ABLIM1: variants seen among roughly 807,000 people sequenced by gnomAD.
ABLIM1 encodes actin-binding LIM protein 1.
A neutral mutation model predicts 107.0 loss-of-function variants in ABLIM1; 40 were observed. The ratio of observed to expected loss-of-function variants is 0.37; its 90% CI spans 0.29 to 0.49. The LOEUF is 0.49. Among genes scored for constraint, ABLIM1 ranks in the 20% least tolerant of loss-of-function variants. The pLI, the probability that ABLIM1 is intolerant of heterozygous loss-of-function variation, is 0.97. For missense variants in ABLIM1, 857 were observed against 1,008.5 expected, an observed-to-expected ratio of 0.85 and a Z score of 2.04; for synonymous variants, 357 against 357.3, an observed-to-expected ratio of 1.00 and a Z score of 0.01.
At chr10:114,549,534 T>G (rs558585250) in intron 4 of ABLIM1, among the ~76,000 whole-genome samples, 1 of 152,306 alleles carries the variant, frequency 6.6e-6, no homozygotes, top group Admixed American at 6.5e-5. Flanking sequence ...TTTCTTTTTT[T>G]TTAATGACAG....
At chr10:114,525,835 CT>C (rs1240614726) in intron 6 of ABLIM1, among the ~76,000 whole-genome samples, 2 of 152,122 alleles carry the variant, frequency 1.3e-5, no homozygotes, top group African/African-American at 2.4e-5. Flanking sequence ...CTCACGTTTT[CT>C]TTTTTTCTTT....
intron 2 of ABLIM1, among the ~76,000 whole-genome samples, chr10:114,587,986 T>C (rs2074380429): frequency 6.6e-6 from 1 of 152,188 alleles, no homozygotes; most frequent in Non-Finnish European, 1.5e-5. Flanking sequence ...CCATCATATT[T>C]ATATGACCAT....
At chr10:114,785,759 C>T in the ABLIM1 span, among the ~76,000 whole-genome samples, 5 of 152,100 alleles carry the variant, frequency 3.3e-5, no homozygotes, top group Non-Finnish European at 7.4e-5. Flanking sequence ...GACCGATTCT[C>T]GCTCTGTTGC....
rs2058987455 is a variant in ABLIM1, at chr10:114,432,761, T to C, written c.*3499A>G. 1 of 152,106 alleles carries C rather than the reference T, an allele frequency of 6.6e-6. No homozygotes were observed. The highest frequency in any genetic ancestry group is 2.1e-4 in the South Asian group (1 of 4,814). 9.4% of individuals were successfully genotyped at this position (152,106 alleles called of 1,614,324 possible). A position where few individuals can be genotyped will look rare whatever the true frequency, so the allele number is the denominator to read the frequency against. ...CAGAATTGGGTAGCGGAGTAGATGC[T>C]AGAGCCCATGACAGATAGAAAACTA... On this transcript the variant is annotated 3_prime_UTR_variant, in exon 23 of 23. Transcript: ENST00000533213.
chr10:114,623,894 C>T (rs895421352), intron 1 of ABLIM1, among the ~76,000 whole-genome samples: 12 of 152,240 alleles, frequency 7.9e-5, no homozygotes, highest in African/African-American at 2.7e-4. Flanking sequence ...CACAAACTCA[C>T]CCCTGTTCCA....
chr10:114,629,296 C>T lies in ABLIM1; in HGVS notation c.245-27335G>A, dbSNP rs1020632493. 3.9e-5 allele frequency among the ~76,000 whole-genome samples: 6 copies of T among 152,252 alleles called. No homozygotes were observed. The highest frequency in any genetic ancestry group is 3.9e-4 in the East Asian group (2 of 5,172). ...GAGTCTATGCCACTCCTCCTTGGGC[C>T]GGCCATGTTCCTCGGGATGGACATT... On this transcript the variant is annotated intron_variant, in intron 1 of 22. Transcript: ENST00000533213. This position sits in a 1 kb window ranked among gnomAD's most constrained non-coding sequence, Gnocchi z 4.0.
rs189987774 is a variant in ABLIM1, at chr10:114,583,331, T to A, written c.380-7732A>T. Among the ~76,000 whole-genome samples the A allele has an allele frequency of 2.0e-3, 293 of 146,990 alleles. 3 individuals are homozygous for A. The highest frequency in any genetic ancestry group is 7.1e-3 in the African/African-American group (281 of 39,724). ...CATATCACATCAGTCCAAACGGCTA[T>A]TACTAAAAAGTCAAAAAGAGACAAC... On this transcript the variant is annotated intron_variant, in intron 2 of 22. Coordinates refer to ENST00000533213, the MANE Select transcript of ABLIM1 (RefSeq NM_002313.7).
intron 1 of ABLIM1, among the ~76,000 whole-genome samples, chr10:114,620,031 A>G (rs1191238842): frequency 2.6e-5 from 4 of 152,234 alleles, no homozygotes; most frequent in African/African-American, 9.6e-5. Flanking sequence ...AGGAGTACTC[A>G]GAATGGAAAC....
intron 11 of ABLIM1, among the ~76,000 whole-genome samples, chr10:114,467,094 G>T (rs949100583): frequency 2.0e-5 from 3 of 152,286 alleles, no homozygotes; most frequent in South Asian, 2.1e-4. Context: ...AGGAGGCAGA[G>T]GTTGCAGTGA....
chr10:114,539,743 A>G (rs1445851430), intron 6 of ABLIM1, among the ~76,000 whole-genome samples: 1 of 152,204 alleles, frequency 6.6e-6, no homozygotes, highest in Non-Finnish European at 1.5e-5. Context: ...GAGCTGTCCT[A>G]GGGCTATCTA....
chr10:114,524,595 AC>A (rs1320510894), intron 6 of ABLIM1, among the ~76,000 whole-genome samples: 33 of 152,160 alleles, frequency 2.2e-4, no homozygotes, highest in African/African-American at 7.2e-4. Context: ...AACAACAACA[AC>A]AAAAAACTCT....
intron 6 of ABLIM1, among the ~76,000 whole-genome samples, chr10:114,505,963 C>A (rs1365724058): frequency 6.6e-6 from 1 of 152,180 alleles, no homozygotes; most frequent in African/African-American, 2.4e-5. Flanking sequence ...GATCCCATCA[C>A]CCAGGTAGTA....
rs542639452 is a variant in ABLIM1, at chr10:114,698,990, TAGA to T, written c.-213+69068_-213+69070del. Among the ~76,000 whole-genome samples the T allele has an allele frequency of 2.6e-3, 389 of 150,004 alleles. 2 individuals are homozygous for T. The highest frequency in any genetic ancestry group is 8.6e-3 in the African/African-American group (352 of 40,760). On this transcript the variant is annotated intron_variant, in intron 1 of 15. Transcript: ENST00000651092. ...GATCTAGAAGCCAGTGAGTCCAAAT[TAGA>T]AGATAGAGTCTCCAAGAAAACATCT... is the stretch of plus-strand genomic sequence containing the variant.
rs887581694 is a variant in ABLIM1 at position 114,707,715 on chromosome 10, C to T, written c.-213+60346G>A. 1.3e-5 allele frequency among the ~76,000 whole-genome samples: 2 copies of T among 152,016 alleles called. No homozygotes were observed. Among genetic ancestry groups the T allele is most frequent in the African/African-American group, 4.8e-5 (2 of 41,412 alleles). On this transcript the variant is annotated intron_variant, in intron 1 of 15. Coordinates refer to the ABLIM1 transcript ENST00000651092. The surrounding 1 kb of genome is among the most constrained non-coding windows in gnomAD (Gnocchi z 4.1). ...AGGAGTTCGAGACCAACCTGGACAA[C>T]ATGGTGAAAACACGGTCTCTACTAA... is the stretch of plus-strand genomic sequence containing the variant.
intron 1 of ABLIM1, among the ~76,000 whole-genome samples, chr10:114,714,906 C>A (rs997785519): frequency 6.6e-5 from 10 of 152,150 alleles, no homozygotes; most frequent in African/African-American, 2.4e-4. Context: ...CCCTCTCTGT[C>A]TCCCTTCTTC....
At chr10:114,442,600 G>A (rs1335245042) in intron 17 of ABLIM1, among the ~76,000 whole-genome samples, 4 of 152,192 alleles carry the variant, frequency 2.6e-5, no homozygotes, top group African/African-American at 4.8e-5. Context: ...GAAGGGTAGC[G>A]GGAATTCCAG....
rs887616203 is a variant in ABLIM1, at chr10:114,713,931, C to T, written c.-213+54130G>A. On this transcript the variant is annotated intron_variant, in intron 1 of 15. Coordinates refer to the ABLIM1 transcript ENST00000651092. ...TGAGACAAAAACGGGAAGCTGACTCCAACCCTGTCTGTGTTAACTGCATTC... is the reference window on the plus strand; with the variant it reads ...TGAGACAAAAACGGGAAGCTGACTCTAACCCTGTCTGTGTTAACTGCATTC... 2.0e-5 allele frequency among the ~76,000 whole-genome samples: 3 copies of T among 152,150 alleles called. No individual in the cohort carries two copies. The South Asian group carries it at 6.2e-4, about 32-fold the overall frequency.
At chr10:114,797,408 T>C in the ABLIM1 span, among the ~76,000 whole-genome samples, 1,086 of 152,324 alleles carry the variant, frequency 7.1e-3, 6 homozygotes, top group African/African-American at 0.025. Flanking sequence ...ACAGTATAGA[T>C]TGGATACATA....
At chr10:114,702,829 G>A (rs977844578) in intron 1 of ABLIM1, among the ~76,000 whole-genome samples, 2 of 151,988 alleles carry the variant, frequency 1.3e-5, no homozygotes, top group Non-Finnish European at 2.9e-5. Context: ...ACACATCATA[G>A]CTAGAATTAT....
Sources: allele counts gnomAD v4.1 joint callset (sites outside exome capture counted in the v4.1 genomes callset), GRCh38; gene constraint gnomAD v4.1.1; non-coding constraint Gnocchi (gnomAD v3.1); transcripts MANE v1.5; gene names NCBI Gene and HGNC (gene_info 2026-07-23, HGNC 2026-07-21).